The following USP31 variants were observed in gnomAD, a reference collection of about 807,000 sequenced individuals.
The protein encoded by USP31 is ubiquitin specific peptidase 31.
Under a neutral mutation model 119.4 loss-of-function variants are expected in USP31, and 44 were observed. The observed-to-expected ratio is 0.37, with a 90% CI of 0.29 to 0.47. The LOEUF (loss-of-function observed/expected upper bound fraction) is 0.47. Ranked by LOEUF, USP31 falls within the 20% of genes least tolerant of loss-of-function variation. USP31 has a pLI of 0.99. For missense variants in USP31, 1,643 were observed against 1,730.2 expected (o/e 0.95, Z 0.89); for synonymous variants, 749 against 705.6 (o/e 1.06, Z -0.97).
chr16:23,071,289 G>A (rs746166657), intron 15 of USP31, among the ~76,000 whole-genome samples: 8 of 151,964 alleles, frequency 5.3e-5, no homozygotes, highest in Non-Finnish European at 1.0e-4. Context: ...TACAGTGATC[G>A]AAATGCTGGC....
At position 23,072,214 on chromosome 16, in the gene USP31, A is replaced by C. The variant is rs757793226; in HGVS notation, c.2336-17T>G. 8.2e-5 allele frequency: 132 copies of C among 1,600,030 alleles called. No homozygotes were observed. The highest frequency in any genetic ancestry group is 1.1e-4 in the Non-Finnish European group (130 of 1,178,472). ...TTGTGGAGCCTGCAGAGAAGAAAAC[A>C]GGCATAGAGGTCAGGCTGGGGTCCC... On this transcript the variant is annotated splice_polypyrimidine_tract_variant and intron_variant, in intron 14 of 15. Transcript: ENST00000219689.
chr16:23,147,912 C>A (rs1903570422), intron 1 of USP31, among the ~76,000 whole-genome samples: 1 of 152,156 alleles, frequency 6.6e-6, no homozygotes, highest in Non-Finnish European at 1.5e-5. Context: ...GCCTGGGCAA[C>A]AGAGCAAGAC....
intron 11 of USP31, among the ~76,000 whole-genome samples, chr16:23,084,006 A>G (rs1900976016): frequency 6.6e-6 from 1 of 152,214 alleles, no homozygotes; most frequent in South Asian, 2.1e-4. Flanking sequence ...TCATAACAAA[A>G]GATACTCAAA....
chr16:23,070,330 T>C (rs1900292163), intron 15 of USP31, among the ~76,000 whole-genome samples: 1 of 152,204 alleles, frequency 6.6e-6, no homozygotes. Context: ...CTGTCATTGT[T>C]GACTACAGAT....
chr16:23,096,833 T>C lies in USP31; in HGVS notation c.1234+5486A>G, dbSNP rs369838616. Among the ~76,000 whole-genome samples, 10 of 152,286 alleles carry C rather than the reference T, an allele frequency of 6.6e-5. No homozygotes were observed. The South Asian group carries it at 2.1e-3, about 32-fold the overall frequency. On this transcript the variant is annotated intron_variant, in intron 6 of 15. Coordinates refer to ENST00000219689, the MANE Select transcript of USP31 (RefSeq NM_020718.4). ...AACGTACCAGAATCTCTGGGACACA[T>C]TTAAAGCAGTGTGTAGAAGGAAATT...
intron 13 of USP31, among the ~76,000 whole-genome samples, chr16:23,077,830 C>G (rs916850136): frequency 1.3e-5 from 2 of 151,926 alleles, no homozygotes; most frequent in African/African-American, 4.8e-5. Context: ...GCCCTTAGCC[C>G]AATGATTCCA....
At chr16:23,134,895 C>T (rs1037551417) in intron 1 of USP31, among the ~76,000 whole-genome samples, 2 of 82,630 alleles carry the variant, frequency 2.4e-5, no homozygotes, top group South Asian at 3.5e-4. Context: ...ACCTTATACA[C>T]ACACACACAC....
chr16:23,063,676 ATGAG>A lies in USP31; in HGVS notation c.*4366_*4369del, dbSNP rs1232076710. 2.6e-5 allele frequency: 4 copies of A among 152,250 alleles called. No homozygotes were observed. The highest frequency in any genetic ancestry group is 6.5e-5 in the Admixed American group (1 of 15,288). The allele number at this position is 152,250 out of a possible 1,614,324, so 9.4% of individuals were successfully genotyped here. On this transcript the variant is annotated 3_prime_UTR_variant, in exon 16 of 16. Transcript: ENST00000219689. ...CGCATTCATGCTCTTCTACACAATG[ATGAG>A]TAAGCCATATTTTGAAAATCACAAA... is the stretch of plus-strand genomic sequence containing the variant.
At position 23,066,298 on chromosome 16, in the gene USP31, C is replaced by G. The variant is rs1022780377; in HGVS notation, c.*1748G>C. On this transcript the variant is annotated 3_prime_UTR_variant, in exon 16 of 16. Coordinates refer to ENST00000219689, the MANE Select transcript of USP31 (RefSeq NM_020718.4). ...GCCAAGGGTCTAAAATTCCAGCTAC[C>G]CTCAACAGTAAGTGGTCTCCAGACT... 4 of 152,540 alleles carry G rather than the reference C, an allele frequency of 2.6e-5. No individual in the cohort carries two copies. Among genetic ancestry groups the G allele is most frequent in the Admixed American group, 1.3e-4 (2 of 15,268 alleles). 9.4% of individuals were successfully genotyped at this position (152,540 alleles called of 1,614,324 possible). A position where few individuals can be genotyped will look rare whatever the true frequency, so the allele number is the denominator to read the frequency against.
chr16:23,097,790 A>C (rs977203504), intron 6 of USP31, among the ~76,000 whole-genome samples: 3 of 151,940 alleles, frequency 2.0e-5, no homozygotes, highest in Admixed American at 6.6e-5. Context: ...CATGCTAAAA[A>C]CTCAGTAAAC....
intron 6 of USP31, among the ~76,000 whole-genome samples, chr16:23,101,052 T>C (rs1392290123): frequency 6.6e-6 from 1 of 152,102 alleles, no homozygotes; most frequent in Non-Finnish European, 1.5e-5. Context: ...TTAGATTTGA[T>C]CTTAGAAAAG....
In USP31 at chr16:23,068,097, CTTT is replaced by C. The variant is rs761873163; in HGVS notation, c.4005_4007del (p.Lys1336del). The stretch of plus-strand genomic sequence containing the variant: ...CAGAGGTTTGCATGCTAGAAGATAA[CTTT>C]TTTGAGGATTTCTCTGCAGACTGCC... On this transcript the variant is annotated inframe_deletion, in exon 16 of 16. Coordinates refer to ENST00000219689, the MANE Select transcript of USP31 (RefSeq NM_020718.4). 1.8e-5 allele frequency: 29 copies of C among 1,614,136 alleles called. No homozygotes were observed. In the East Asian group the frequency reaches 5.8e-4, roughly 32 times the overall value.
rs74247947 is a variant in USP31 at position 23,135,805 on chromosome 16, A to G, written c.633+12833T>C. 1.2e-4 allele frequency among the ~76,000 whole-genome samples: 19 copies of G among 152,358 alleles called. No individual in the cohort carries two copies. In the East Asian group the frequency reaches 3.7e-3, roughly 29 times the overall value. On this transcript the variant is annotated intron_variant, in intron 1 of 15. Coordinates refer to ENST00000219689, the MANE Select transcript of USP31 (RefSeq NM_020718.4). ...CAATCTCTGTCAAAATCCTAACAGC[A>G]TCTTTTGGAAGAAATAGAAAAGTCC... is the stretch of plus-strand genomic sequence containing the variant.
rs899662339 is a variant in USP31 at position 23,073,891 on chromosome 16, G to A, written c.2177-11C>T. The A allele has an allele frequency of 3.7e-6, 6 of 1,613,708 alleles. No individual in the cohort carries two copies. Among genetic ancestry groups the A allele is most frequent in the Non-Finnish European group, 4.2e-6 (5 of 1,179,994 alleles). ...AGTTCTTACAGTACGCTGCCAAAGA[G>A]AGCCCGCCATCAGCACCAGGGGAGG... is the stretch of plus-strand genomic sequence containing the variant. On this transcript the variant is annotated splice_polypyrimidine_tract_variant and intron_variant, in intron 13 of 15. Transcript: ENST00000219689.
intron 1 of USP31, among the ~76,000 whole-genome samples, chr16:23,144,783 T>C (rs186724214): frequency 2.6e-5 from 4 of 152,188 alleles, no homozygotes; most frequent in African/African-American, 9.7e-5. Context: ...CGTCCTGCCT[T>C]AGCATTCAAC....
intron 1 of USP31, among the ~76,000 whole-genome samples, chr16:23,110,989 G>A (rs917689144): frequency 2.0e-5 from 3 of 152,070 alleles, no homozygotes; most frequent in Admixed American, 1.3e-4. Context: ...TTAGCCAGGC[G>A]TGGTGGTGGG....
intron 1 of USP31, among the ~76,000 whole-genome samples, chr16:23,118,056 T>A (rs1406919001): frequency 6.6e-6 from 1 of 152,216 alleles, no homozygotes; most frequent in Non-Finnish European, 1.5e-5. Flanking sequence ...CTCAAAGTGC[T>A]GGGATTACAG....
At position 23,069,169 on chromosome 16, in the gene USP31, A is replaced by C. The variant is rs1385971214; in HGVS notation, c.2936T>G (p.Leu979Arg). 1.9e-6 allele frequency: 3 copies of C among 1,614,118 alleles called. No homozygotes were observed. Among genetic ancestry groups the C allele is most frequent in the Non-Finnish European group, 2.5e-6 (3 of 1,180,030 alleles). ...ATTATTGTTATCAAATGGACCAGAG[A>C]GCGGGGGCAGGCGGTCCCCTTGTGC... ...HSAQGDRLPP[L>R]SGPFDNNNQI... Residue 979 changes from leucine to arginine, a missense_variant, in exon 16 of 16, where the codon CTC becomes CGC. Coordinates refer to ENST00000219689, the MANE Select transcript of USP31 (RefSeq NM_020718.4).
chr16:23,087,840 C>T lies in USP31; in HGVS notation c.1416-5G>A. ...AGCACAAAAGGCAGTCCAAATCTAA[C>T]ACACATCAACAATGTAATCACCTTT... On this transcript the variant is annotated splice_polypyrimidine_tract_variant and splice_region_variant and intron_variant, in intron 7 of 15. Coordinates refer to ENST00000219689, the MANE Select transcript of USP31 (RefSeq NM_020718.4). 1 of 1,609,276 alleles carries T rather than the reference C, an allele frequency of 6.2e-7. No individual in the cohort carries two copies. The highest frequency in any genetic ancestry group is 1.1e-5 in the South Asian group (1 of 90,966).
Sources: allele counts gnomAD v4.1 joint callset (sites outside exome capture counted in the v4.1 genomes callset), GRCh38; gene constraint gnomAD v4.1.1; transcripts MANE v1.5; gene names NCBI Gene and HGNC (gene_info 2026-07-23, HGNC 2026-07-21).